NRP2: variants seen among roughly 807,000 people sequenced by gnomAD.
NRP2 encodes neuropilin 2.
NRP2 carries 52 observed loss-of-function variants against 110.4 expected under a neutral mutation model. The ratio of observed to expected loss-of-function variants is 0.47; its 90% CI spans 0.38 to 0.59. The LOEUF (loss-of-function observed/expected upper bound fraction) is 0.59, where lower values mean the gene tolerates loss of function less well. Among genes scored for constraint, NRP2 ranks in the 20% least tolerant of loss-of-function variants. The pLI is 0.00. For synonymous variants in NRP2, 508 were observed against 468.9 expected (o/e 1.08, Z -1.08); for missense variants, 1,049 against 1,203.0 (o/e 0.87, Z 1.89).
chr2:205,694,017 T>G (rs528721275), intron 1 of NRP2, among the ~76,000 whole-genome samples: 1 of 152,364 alleles, frequency 6.6e-6, no homozygotes, highest in South Asian at 2.1e-4. Flanking sequence ...TTTCCCATTC[T>G]TAATACTTCT....
intron 7 of NRP2, among the ~76,000 whole-genome samples, chr2:205,736,318 G>C (rs920115273): frequency 2.6e-5 from 4 of 151,964 alleles, no homozygotes; most frequent in Non-Finnish European, 5.9e-5. Context: ...CTCCAGCCTG[G>C]GTGACAGAGC....
At chr2:205,744,612 G>C (rs531621948) in intron 9 of NRP2, among the ~76,000 whole-genome samples, 4 of 152,276 alleles carry the variant, frequency 2.6e-5, no homozygotes, top group Admixed American at 6.5e-5. Flanking sequence ...GGCAGGCCAG[G>C]CTCTCTGATT....
chr2:205,769,033 G>C (rs2057974066), intron 15 of NRP2, among the ~76,000 whole-genome samples: 1 of 152,190 alleles, frequency 6.6e-6, no homozygotes, highest in African/African-American at 2.4e-5. Flanking sequence ...CTGTTTGAGA[G>C]AGGAGAGGAC....
intron 7 of NRP2, among the ~76,000 whole-genome samples, chr2:205,733,303 T>G (rs74404582): frequency 0.013 from 2,015 of 152,280 alleles, 23 homozygotes; most frequent in Non-Finnish European, 0.021. Context: ...CTGGCGCTGA[T>G]AGCCTTGATG....
intron 15 of NRP2, chr2:205,776,847 C>A (rs1174141995): frequency 1.6e-6 from 2 of 1,268,242 alleles, no homozygotes; most frequent in Non-Finnish European, 2.0e-6. Context: ...GACTGGTTCG[C>A]TTGTTTTTTC....
intron 15 of NRP2, among the ~76,000 whole-genome samples, chr2:205,785,400 G>C (rs2058224947): frequency 6.6e-6 from 1 of 152,050 alleles, no homozygotes. Flanking sequence ...AAAAAAATAA[G>C]ACTACACAAG....
At chr2:205,697,871 G>T in intron 2 of NRP2, 150 bp downstream of exon 2, 2 of 801,758 alleles carry the variant, frequency 2.5e-6, no homozygotes, top group Non-Finnish European at 4.4e-6. Flanking sequence ...ACCTCAAGGG[G>T]CATTCCCTTT....
intron 12 of NRP2, chr2:205,761,935 G>A (rs1295099674): frequency 6.6e-6 from 1 of 152,220 alleles, no homozygotes; most frequent in East Asian, 1.9e-4. Flanking sequence ...AACCTGTAAA[G>A]CATTATGCAA....
chr2:205,700,609 C>T, intron 2 of NRP2: 1 of 457,394 alleles, frequency 2.2e-6, no homozygotes, highest in South Asian at 1.6e-5. Flanking sequence ...TCCCTGTATA[C>T]CTTGAACTCT....
chr2:205,732,911 C>T (rs974632881), intron 7 of NRP2, among the ~76,000 whole-genome samples: 1 of 152,098 alleles, frequency 6.6e-6, no homozygotes, highest in Non-Finnish European at 1.5e-5. Context: ...TGATGGGCTT[C>T]CCCTTATTCC....
At chr2:205,697,339 TG>T (rs2056453110) in intron 1 of NRP2, among the ~76,000 whole-genome samples, 4 of 151,338 alleles carry the variant, frequency 2.6e-5, no homozygotes, top group Non-Finnish European at 5.9e-5. Flanking sequence ...TGTGTGTGTG[TG>T]TGTGTAGTTG....
chr2:205,743,149 C>A, intron 8 of NRP2, 54 bp from the exon 9 acceptor site: 1 of 1,601,864 alleles, frequency 6.2e-7, no homozygotes, highest in South Asian at 1.1e-5. Flanking sequence ...GCGGGTGGTC[C>A]CTGGTTAGCA....
At chr2:205,740,764 C>A in intron 8 of NRP2, 101 bp downstream of exon 8, 1 of 1,381,342 alleles carries the variant, frequency 7.2e-7, no homozygotes, top group Non-Finnish European at 1.0e-6. Context: ...CATGACCTTC[C>A]CAGAAAGACT....
intron 2 of NRP2, chr2:205,701,030 C>G (rs1559311581): frequency 9.7e-6 from 2 of 207,026 alleles, no homozygotes; most frequent in South Asian, 1.4e-4. Context: ...CAGACAGAGG[C>G]CTTTCGCTTG....
intron 8 of NRP2, among the ~76,000 whole-genome samples, chr2:205,742,460 C>T (rs143206070): frequency 6.6e-6 from 1 of 152,156 alleles, no homozygotes; most frequent in Non-Finnish European, 1.5e-5. Context: ...CTGAGGGAAA[C>T]CAATTTAGTG....
chr2:205,689,308 C>T (rs369508719), intron 1 of NRP2, among the ~76,000 whole-genome samples: 2 of 152,310 alleles, frequency 1.3e-5, no homozygotes, highest in East Asian at 1.9e-4. Context: ...TGATCAGATA[C>T]TTAGTCTATG....
chr2:205,734,435 C>G (rs535526022), intron 7 of NRP2, among the ~76,000 whole-genome samples: 22 of 151,144 alleles, frequency 1.5e-4, no homozygotes, highest in African/African-American at 5.4e-4. Flanking sequence ...GTTCCCTCCC[C>G]CTACTTGACT....
intron 3 of NRP2, among the ~76,000 whole-genome samples, chr2:205,720,897 G>A (rs991509282): frequency 7.2e-5 from 11 of 152,168 alleles, no homozygotes; most frequent in African/African-American, 1.2e-4. Flanking sequence ...TCTGAGATTC[G>A]CTGCTTAGAG....
At chr2:205,731,808 A>AC (rs2057246135) in intron 7 of NRP2, among the ~76,000 whole-genome samples, 1 of 152,172 alleles carries the variant, frequency 6.6e-6, no homozygotes, top group African/African-American at 2.4e-5. Flanking sequence ...TTTCAGAATT[A>AC]CCCCACCAGG....
Sources: allele counts gnomAD v4.1 joint callset (sites outside exome capture counted in the v4.1 genomes callset), GRCh38; gene constraint gnomAD v4.1.1; transcripts MANE v1.5; gene names NCBI Gene and HGNC (gene_info 2026-07-23, HGNC 2026-07-21).